SPOCK1: variants seen among roughly 807,000 people sequenced by gnomAD.
SPOCK1 encodes SPARC (osteonectin), cwcv and kazal like domains proteoglycan 1, also known as testican-1.
Under a neutral mutation model 55.3 loss-of-function variants are expected in SPOCK1, and 23 were observed. The ratio of observed to expected loss-of-function variants is 0.42; its 90% CI spans 0.30 to 0.59. The LOEUF is 0.59. SPOCK1 is among the 20% of genes least tolerant of loss of function. The pLI is 0.22. For synonymous variants in SPOCK1, 226 were observed against 221.0 expected (o/e 1.02, Z -0.20); for missense variants, 499 against 552.5 (o/e 0.90, Z 0.97).
chr5:137,469,242 T>G (rs770037690), intron 2 of SPOCK1, among the ~76,000 whole-genome samples: 10 of 152,236 alleles, frequency 6.6e-5, no homozygotes, highest in African/African-American at 2.4e-4. Flanking sequence ...AGGATTTCAT[T>G]GCTTGCCCTC....
chr5:137,338,561 A>G (rs1017553266), intron 2 of SPOCK1, among the ~76,000 whole-genome samples: 14 of 151,942 alleles, frequency 9.2e-5, no homozygotes, highest in African/African-American at 3.4e-4. Flanking sequence ...GTCAAATGGT[A>G]TTTCTAGTTC....
At chr5:137,128,181 T>C (rs1753811518) in intron 4 of SPOCK1, among the ~76,000 whole-genome samples, 1 of 152,270 alleles carries the variant, frequency 6.6e-6, no homozygotes, top group East Asian at 1.9e-4. Context: ...AAGACAGCTG[T>C]CTATGAAACA....
chr5:137,276,407 C>T (rs1303254820), intron 2 of SPOCK1, among the ~76,000 whole-genome samples: 1 of 152,224 alleles, frequency 6.6e-6, no homozygotes, highest in Non-Finnish European at 1.5e-5. Context: ...TCTGCAGCCC[C>T]CTGGGCTGCC....
intron 2 of SPOCK1, among the ~76,000 whole-genome samples, chr5:137,298,427 G>A (rs1757528736): frequency 6.6e-6 from 1 of 152,136 alleles, no homozygotes. Context: ...GGTTTCTCTT[G>A]GCAAATGTTC....
At chr5:137,073,906 A>G (rs1752672277) in intron 5 of SPOCK1, among the ~76,000 whole-genome samples, 1 of 152,210 alleles carries the variant, frequency 6.6e-6, no homozygotes, top group Non-Finnish European at 1.5e-5. Flanking sequence ...TTTCAATAAA[A>G]CAAACGGCAG....
chr5:137,043,499 C>T (rs55955889), intron 6 of SPOCK1, among the ~76,000 whole-genome samples: 1,558 of 152,198 alleles, frequency 0.01, 35 homozygotes, highest in African/African-American at 0.036. Flanking sequence ...AAAATGAGTA[C>T]CTTTGCAGTA....
intron 6 of SPOCK1, among the ~76,000 whole-genome samples, chr5:136,994,905 T>C (rs767913910): frequency 3.9e-5 from 6 of 151,956 alleles, no homozygotes; most frequent in Admixed American, 1.3e-4. Flanking sequence ...CTTGGAAGGC[T>C]GACACAGGAG....
At chr5:137,002,912 G>A (rs1275801909) in intron 6 of SPOCK1, among the ~76,000 whole-genome samples, 4 of 152,146 alleles carry the variant, frequency 2.6e-5, no homozygotes, top group African/African-American at 7.2e-5. Context: ...GTTAATGTAT[G>A]AGCTCAACTG....
intron 6 of SPOCK1, among the ~76,000 whole-genome samples, chr5:137,026,469 T>G (rs1224176956): frequency 6.6e-6 from 1 of 152,186 alleles, no homozygotes; most frequent in African/African-American, 2.4e-5. Context: ...GCCAGCAGAT[T>G]GTCTTTGGGC....
intron 2 of SPOCK1, among the ~76,000 whole-genome samples, chr5:137,403,231 G>T (rs1037810908): frequency 6.6e-6 from 1 of 152,222 alleles, no homozygotes; most frequent in African/African-American, 2.4e-5. Flanking sequence ...GTTGAGAGCA[G>T]TCACGCTGCA....
intron 2 of SPOCK1, among the ~76,000 whole-genome samples, chr5:137,378,496 A>T (rs60366474): frequency 6.6e-6 from 1 of 152,180 alleles, no homozygotes; most frequent in Non-Finnish European, 1.5e-5. Context: ...CTTGTCTCAC[A>T]CATGGATGGC....
intron 3 of SPOCK1, among the ~76,000 whole-genome samples, chr5:137,204,618 C>T (rs1391471283): frequency 6.6e-6 from 1 of 152,168 alleles, no homozygotes; most frequent in East Asian, 1.9e-4. Context: ...TCCTCTCTTG[C>T]ACTTCTAGCA....
At chr5:137,010,413 T>C (rs762979784) in intron 6 of SPOCK1, among the ~76,000 whole-genome samples, 3 of 151,020 alleles carry the variant, frequency 2.0e-5, no homozygotes, top group South Asian at 4.2e-4. Context: ...AAACAGAAAA[T>C]GGACTTGCGA....
Position 137,222,311 on chromosome 5 carries a change from C to T in SPOCK1, c.232+44699G>A, listed in dbSNP as rs574307341. ...TGGGTAAGGCCAAGCAAAATACTCT[C>T]AGGGGCTCTGTCACCAAACAGTTCA... On this transcript the variant is annotated intron_variant, in intron 3 of 10. Coordinates refer to ENST00000394945, the MANE Select transcript of SPOCK1 (RefSeq NM_004598.4). Among the ~76,000 whole-genome samples, 12 of 152,300 alleles carry T rather than the reference C, an allele frequency of 7.9e-5. 1 individual carries two copies. Among genetic ancestry groups the T allele is most frequent in the Middle Eastern group, 6.8e-3 (2 of 294 alleles).
intron 3 of SPOCK1, among the ~76,000 whole-genome samples, chr5:137,143,364 T>C (rs1233444780): frequency 6.6e-6 from 1 of 152,204 alleles, no homozygotes; most frequent in Non-Finnish European, 1.5e-5. Context: ...CCGGGTGGTC[T>C]CAACGGACAG....
At chr5:137,089,278 C>G (rs1217532243) in intron 5 of SPOCK1, among the ~76,000 whole-genome samples, 2 of 152,204 alleles carry the variant, frequency 1.3e-5, no homozygotes, top group African/African-American at 4.8e-5. Flanking sequence ...ACTTCAGAAG[C>G]CACTGTGTCT....
intron 3 of SPOCK1, among the ~76,000 whole-genome samples, chr5:137,219,171 T>C (rs1052353624): frequency 1.1e-4 from 16 of 152,226 alleles, no homozygotes; most frequent in Admixed American, 4.6e-4. Flanking sequence ...TTTACACAAA[T>C]ACACTGTGTT....
At chr5:137,485,001 A>C (rs1406716213) in intron 2 of SPOCK1, among the ~76,000 whole-genome samples, 3 of 152,182 alleles carry the variant, frequency 2.0e-5, no homozygotes, top group African/African-American at 7.2e-5. Context: ...AACCACGAAA[A>C]TAAAAATTTT....
chr5:137,057,040 C>G (rs1752315459), intron 6 of SPOCK1, among the ~76,000 whole-genome samples: 1 of 152,134 alleles, frequency 6.6e-6, no homozygotes, highest in Non-Finnish European at 1.5e-5. Flanking sequence ...ATGGTCTCCT[C>G]TCTACTAATA....
Sources: allele counts gnomAD v4.1 joint callset (sites outside exome capture counted in the v4.1 genomes callset), GRCh38; gene constraint gnomAD v4.1.1; transcripts MANE v1.5; gene names NCBI Gene and HGNC (gene_info 2026-07-23, HGNC 2026-07-21).